Variants in TANGO6 observed in about 807,000 individuals in gnomAD.
The protein encoded by TANGO6 is transport and Golgi organization protein 6 homolog.
A neutral mutation model predicts 114.2 loss-of-function variants in TANGO6; 90 were observed. The observed-to-expected ratio is 0.79, with a 90% CI of 0.66 to 0.94. The LOEUF (loss-of-function observed/expected upper bound fraction) is 0.94. Among genes scored for constraint, TANGO6 ranks in the 40% least tolerant of loss-of-function variants. The pLI is 0.00. For missense variants in TANGO6, 1,274 were observed against 1,315.3 expected, an observed-to-expected ratio of 0.97 and a Z score of 0.49; for synonymous variants, 477 against 509.8, an observed-to-expected ratio of 0.94 and a Z score of 0.87.
intron 2 of TANGO6, among the ~76,000 whole-genome samples, chr16:68,862,736 AACCTGC>A (rs1962115965): frequency 6.6e-6 from 1 of 152,152 alleles, no homozygotes; most frequent in African/African-American, 2.4e-5. Context: ...TCAGTCTCAT[AACCTGC>A]CCAGAAGTGG....
At chr16:68,953,280 G>A (rs961019438) in intron 14 of TANGO6, among the ~76,000 whole-genome samples, 2 of 151,814 alleles carry the variant, frequency 1.3e-5, no homozygotes, top group African/African-American at 2.4e-5. Context: ...ACAGGGTTTC[G>A]CCATGTTGGC....
intron 2 of TANGO6, among the ~76,000 whole-genome samples, chr16:68,861,033 T>A (rs1020413338): frequency 2.0e-5 from 3 of 152,214 alleles, no homozygotes; most frequent in African/African-American, 7.2e-5. Flanking sequence ...TAGGGGTATA[T>A]GCCCATTTTT....
At chr16:68,956,374 T>A (rs1014903800) in intron 14 of TANGO6, among the ~76,000 whole-genome samples, 8 of 152,124 alleles carry the variant, frequency 5.3e-5, no homozygotes, top group Non-Finnish European at 8.8e-5. Context: ...AGGGCAACAT[T>A]GCAGAAATGA....
intron 11 of TANGO6, among the ~76,000 whole-genome samples, chr16:68,912,035 T>TGC (rs1382002549): frequency 1.3e-5 from 2 of 152,254 alleles, no homozygotes; most frequent in African/African-American, 4.8e-5. Context: ...TCTTTGGGAT[T>TGC]GCCAGGGCAT....
At chr16:68,861,021 G>GT (rs1962084414) in intron 2 of TANGO6, among the ~76,000 whole-genome samples, 1 of 152,184 alleles carries the variant, frequency 6.6e-6, no homozygotes, top group Non-Finnish European at 1.5e-5. Flanking sequence ...ATTATTAGGT[G>GT]TTAGGGGTAT....
chr16:69,081,437 A>G (rs1260055279), intron 17 of TANGO6, among the ~76,000 whole-genome samples: 1 of 146,402 alleles, frequency 6.8e-6, no homozygotes, highest in African/African-American at 2.5e-5. Flanking sequence ...GTGCAGTGGC[A>G]TGATCTTGGC....
chr16:69,051,859 T>A (rs960673098), intron 17 of TANGO6, among the ~76,000 whole-genome samples: 11 of 151,758 alleles, frequency 7.2e-5, no homozygotes, highest in African/African-American at 2.7e-4. Flanking sequence ...ATTAAAAATA[T>A]ATATATATAT....
At chr16:69,063,544 A>G (rs1960160477) in intron 17 of TANGO6, among the ~76,000 whole-genome samples, 2 of 138,766 alleles carry the variant, frequency 1.4e-5, no homozygotes, top group Non-Finnish European at 3.1e-5. Flanking sequence ...AAAATTAGCC[A>G]GTGTGGTGGG....
At chr16:68,918,177 G>A (rs1374295557) in intron 11 of TANGO6, among the ~76,000 whole-genome samples, 1 of 151,904 alleles carries the variant, frequency 6.6e-6, no homozygotes, top group African/African-American at 2.4e-5. Context: ...CAAAGTGCTG[G>A]GATTACAGGC....
chr16:68,885,264 C>CT (rs1465071252), intron 7 of TANGO6, among the ~76,000 whole-genome samples: 1 of 152,094 alleles, frequency 6.6e-6, no homozygotes, highest in East Asian at 1.9e-4. Flanking sequence ...TTCTCTCTCT[C>CT]TTTTTATTCT....
intron 4 of TANGO6, chr16:68,867,934 G>A (rs1183968187): frequency 6.7e-6 from 1 of 150,202 alleles, no homozygotes; most frequent in African/African-American, 2.5e-5. Flanking sequence ...CTGAGGCCAG[G>A]AGTTCAAGAC....
intron 1 of TANGO6, among the ~76,000 whole-genome samples, chr16:68,855,511 G>A (rs1961973931): frequency 6.6e-6 from 1 of 151,704 alleles, no homozygotes; most frequent in Non-Finnish European, 1.5e-5. Flanking sequence ...GAACCCAGGA[G>A]GCAAAGCTTG....
intron 11 of TANGO6, among the ~76,000 whole-genome samples, chr16:68,918,683 C>T (rs989380967): frequency 3.9e-5 from 6 of 152,194 alleles, no homozygotes; most frequent in African/African-American, 1.4e-4. Flanking sequence ...TCAGATTCTT[C>T]ATTTCACAAT....
In TANGO6 at chr16:68,843,652, A is replaced by C; in HGVS notation, c.35A>C (p.Gln12Pro). The change falls in exon 1 of 18, where the codon CAG becomes CCG. Residue 12 changes from glutamine (Q) to proline (P), a missense_variant. Around this residue, in one of 5 missense-constraint regions of TANGO6, gnomAD observed 114 missense variants for 104.6 expected, o/e 1.09. Transcript: ENST00000261778. The stretch of plus-strand genomic sequence containing the variant: ...CGACAGGCCGTGGGCAGCGGGGCTC[A>C]GGAGACATGCGGTCTGGATCGGATT... ...AARQAVGSGA[Q>P]ETCGLDRILE... 1 of 1,613,742 alleles carries C rather than the reference A, an allele frequency of 6.2e-7. No homozygotes were observed. Among genetic ancestry groups the C allele is most frequent in the South Asian group, 1.1e-5 (1 of 91,086 alleles).
chr16:68,982,716 C>T (rs1963850592), intron 15 of TANGO6, among the ~76,000 whole-genome samples: 1 of 147,808 alleles, frequency 6.8e-6, no homozygotes, highest in African/African-American at 2.5e-5. Context: ...AAGCAATCCT[C>T]CCACCTCGGC....
chr16:68,965,232 T>C (rs888707133), intron 14 of TANGO6, among the ~76,000 whole-genome samples: 3 of 152,172 alleles, frequency 2.0e-5, no homozygotes, highest in African/African-American at 7.2e-5. Context: ...CGATCTCAGC[T>C]CACTGCAACC....
intron 15 of TANGO6, among the ~76,000 whole-genome samples, chr16:68,990,903 ACT>A (rs1232010567): frequency 5.9e-5 from 9 of 152,210 alleles, no homozygotes; most frequent in Admixed American, 1.3e-4. Context: ...TACTTCGGTC[ACT>A]CTGTGAAGGA....
chr16:69,019,730 C>G (rs1292273035), intron 15 of TANGO6, among the ~76,000 whole-genome samples: 3 of 152,108 alleles, frequency 2.0e-5, no homozygotes, highest in Non-Finnish European at 4.4e-5. Flanking sequence ...TAGAGACAAA[C>G]TATCCCTATG....
At chr16:69,043,900 G>A (rs1959811159) in intron 17 of TANGO6, among the ~76,000 whole-genome samples, 1 of 152,182 alleles carries the variant, frequency 6.6e-6, no homozygotes. Flanking sequence ...GGCCTCTGTG[G>A]TTGTGGCAGC....
Sources: allele counts gnomAD v4.1 joint callset (sites outside exome capture counted in the v4.1 genomes callset), GRCh38; gene constraint gnomAD v4.1.1; regional missense constraint gnomAD v4.1.1; transcripts MANE v1.5; gene names NCBI Gene and HGNC (gene_info 2026-07-23, HGNC 2026-07-21).